The following DPY19L2 variants were observed in gnomAD, a reference collection of about 807,000 sequenced individuals.
DPY19L2 encodes dpy-19 like 2.
A neutral mutation model predicts 97.9 loss-of-function variants in DPY19L2; 34 were observed. That is an observed-to-expected ratio of 0.35 (90% confidence interval 0.26 to 0.46). DPY19L2 has a LOEUF of 0.46. Ranked by LOEUF, DPY19L2 falls within the 20% of genes least tolerant of loss-of-function variation. The pLI, the probability that DPY19L2 is intolerant of heterozygous loss-of-function variation, is 1.00. For missense variants in DPY19L2, 623 were observed against 911.4 expected (o/e 0.68, Z 4.07); for synonymous variants, 230 against 307.9 (o/e 0.75, Z 2.65).
At chr12:63,658,735 C>G in intron 4 of DPY19L2, among the ~76,000 whole-genome samples, 1 of 152,134 alleles carries the variant, frequency 6.6e-6, no homozygotes, top group East Asian at 1.9e-4. Flanking sequence ...ATAAATTCTT[C>G]TTTCAGCGGC....
At chr12:63,636,873 C>G (rs1485838493) in intron 6 of DPY19L2, among the ~76,000 whole-genome samples, 2 of 152,078 alleles carry the variant, frequency 1.3e-5, no homozygotes, top group Non-Finnish European at 2.9e-5. Flanking sequence ...TTGGACAGAT[C>G]AACGAGACAG....
chr12:63,594,350 T>C (rs1447276767), intron 15 of DPY19L2, among the ~76,000 whole-genome samples: 1 of 152,010 alleles, frequency 6.6e-6, no homozygotes, highest in Non-Finnish European at 1.5e-5. Context: ...ATCAGAAGTA[T>C]CCTTGGGGTG....
intron 5 of DPY19L2, among the ~76,000 whole-genome samples, chr12:63,645,226 G>T (rs1592713207): frequency 6.6e-6 from 1 of 152,132 alleles, no homozygotes; most frequent in Non-Finnish European, 1.5e-5. Context: ...CTTGTCAAAG[G>T]TTATTTCACT....
rs1876011588 is a variant in DPY19L2 at position 63,558,926 on chromosome 12, A to G, written c.*1586T>C. The G allele has an allele frequency of 6.6e-6, 1 of 152,202 alleles. No homozygotes were observed. The highest frequency in any genetic ancestry group is 1.5e-5 in the Non-Finnish European group (1 of 68,022). The allele number at this position is 152,202 out of a possible 1,614,324, so 9.4% of individuals were successfully genotyped here. A position where few individuals can be genotyped will look rare whatever the true frequency, so the allele number is the denominator to read the frequency against. On this transcript the variant is annotated 3_prime_UTR_variant, in exon 22 of 22. Transcript: ENST00000324472. Reference sequence around the variant, plus strand: ...TTTACAAATACAAAAGTTGGAAATAATTTTATTAGTTTTTTAATGCATAAA... The same window carrying G: ...TTTACAAATACAAAAGTTGGAAATAGTTTTATTAGTTTTTTAATGCATAAA...
intron 6 of DPY19L2, among the ~76,000 whole-genome samples, chr12:63,633,774 T>C (rs759632003): frequency 1.3e-5 from 2 of 152,186 alleles, no homozygotes; most frequent in African/African-American, 4.8e-5. Flanking sequence ...CGTATGTTTA[T>C]TGTGGCACTA....
chr12:63,616,564 G>A (rs537493767), intron 11 of DPY19L2, among the ~76,000 whole-genome samples: 1,880 of 152,122 alleles, frequency 0.012, 44 homozygotes, highest in African/African-American at 0.043. Flanking sequence ...GAATATTCTA[G>A]GTTCTGGCTT....
At chr12:63,666,013 A>C (rs538294468) in intron 1 of DPY19L2, among the ~76,000 whole-genome samples, 154 bp from the exon 2 acceptor site, 1 of 152,294 alleles carries the variant, frequency 6.6e-6, no homozygotes, top group African/African-American at 2.4e-5. Flanking sequence ...CATAGGAAAA[A>C]ATCCAGGACA....
At chr12:63,585,931 TC>T (rs1476558131) in intron 16 of DPY19L2, among the ~76,000 whole-genome samples, 1 of 152,050 alleles carries the variant, frequency 6.6e-6, no homozygotes, top group Non-Finnish European at 1.5e-5. Context: ...ATTTAAAGCC[TC>T]AAAAGAAAGT....
chr12:63,622,834 G>T (rs1316913344), intron 8 of DPY19L2, among the ~76,000 whole-genome samples: 1 of 148,116 alleles, frequency 6.8e-6, no homozygotes, highest in Admixed American at 6.8e-5. Context: ...GCTGAGGCAG[G>T]AGAATCGCTT....
chr12:63,650,758 A>G (rs931712980), intron 4 of DPY19L2, among the ~76,000 whole-genome samples: 2 of 152,210 alleles, frequency 1.3e-5, no homozygotes, highest in African/African-American at 2.4e-5. Flanking sequence ...TAAAATCACC[A>G]TATTACCAAA....
At chr12:63,625,200 A>G (rs531343154) in intron 7 of DPY19L2, among the ~76,000 whole-genome samples, 12 of 152,222 alleles carry the variant, frequency 7.9e-5, no homozygotes, top group African/African-American at 2.9e-4. Context: ...GTTCGAGACC[A>G]GCCTGGCCAA....
intron 12 of DPY19L2, among the ~76,000 whole-genome samples, chr12:63,607,518 A>G (rs904083110): frequency 1.3e-5 from 2 of 152,218 alleles, no homozygotes; most frequent in Non-Finnish European, 2.9e-5. Context: ...TATTTTCACC[A>G]TAAAGGATGG....
chr12:63,601,935 G>T (rs1885257629), intron 12 of DPY19L2, among the ~76,000 whole-genome samples: 1 of 151,970 alleles, frequency 6.6e-6, no homozygotes, highest in South Asian at 2.1e-4. Context: ...TTCAGAAGAG[G>T]TTTGCACTTG....
intron 4 of DPY19L2, among the ~76,000 whole-genome samples, chr12:63,659,442 CA>C (rs1424782064): frequency 9.4e-5 from 14 of 148,614 alleles, no homozygotes; most frequent in Non-Finnish European, 4.5e-5. Flanking sequence ...GATACATGTA[CA>C]AATCCAACAT....
At chr12:63,580,498 A>G (rs1323928203) in intron 19 of DPY19L2, among the ~76,000 whole-genome samples, 164 bp downstream of exon 19, 8 of 152,180 alleles carry the variant, frequency 5.3e-5, no homozygotes, top group African/African-American at 1.7e-4. Context: ...ATTGATTGAC[A>G]TTGCAATAGT....
rs371747814 is a variant in DPY19L2 at position 63,668,319 on chromosome 12, G to C, written c.75C>G (p.Ala25=). The C allele has an allele frequency of 8.9e-5, 144 of 1,613,920 alleles. 1 individual carries two copies. Among genetic ancestry groups the C allele is most frequent in the South Asian group, 8.9e-4 (81 of 91,074 alleles). The change falls in exon 1 of 22, where the codon GCC becomes GCG. Residue 25 remains alanine (A), a synonymous_variant. Coordinates refer to ENST00000324472, the MANE Select transcript of DPY19L2 (RefSeq NM_173812.5). ...GRSQSKGRRG[A]SLAREPEVEE... is the part of the protein sequence containing the mutation. ...CTACCTCCGGCTCCCGGGCGAGGGA[G>C]GCCCCGCGCCGCCCCTTAGACTGGC...
chr12:63,653,213 T>C (rs1179060933), intron 4 of DPY19L2, among the ~76,000 whole-genome samples: 1 of 151,876 alleles, frequency 6.6e-6, no homozygotes, highest in African/African-American at 2.4e-5. Flanking sequence ...ATTCATGTCA[T>C]TGGAGTCTTG....
At chr12:63,599,178 C>CAAA (rs34866870) in intron 13 of DPY19L2, among the ~76,000 whole-genome samples, 1 of 125,004 alleles carries the variant, frequency 8.0e-6, no homozygotes, top group East Asian at 2.8e-4. Context: ...TTTCAAAAAA[C>CAAA]AAAAAAAAAA....
At chr12:63,621,453 A>G in intron 8 of DPY19L2, 116 bp from the exon 9 acceptor site, 1 of 705,328 alleles carries the variant, frequency 1.4e-6, no homozygotes, top group Non-Finnish European at 2.5e-6. Context: ...TTACTATAAT[A>G]CAACAAAATA....
Sources: gnomAD v4.1 joint callset for allele counts (sites outside exome capture counted in the v4.1 genomes callset) on GRCh38, gnomAD v4.1.1 for gene constraint, MANE v1.5 for transcripts, NCBI Gene and HGNC (gene_info 2026-07-23, HGNC 2026-07-21) for gene names.